NOVA1: variants seen among roughly 807,000 people sequenced by gnomAD.
NOVA1 encodes the protein NOVA alternative splicing regulator 1, also known as RNA-binding protein Nova-1.
A neutral mutation model predicts 38.0 loss-of-function variants in NOVA1; 7 were observed. The observed-to-expected ratio is 0.18, with a 90% confidence interval of 0.10 to 0.35. The LOEUF (loss-of-function observed/expected upper bound fraction) is 0.35, where lower values mean the gene tolerates loss of function less well. Ranked by LOEUF, NOVA1 falls within the 10% of genes least tolerant of loss-of-function variation. The pLI, the probability that NOVA1 is intolerant of heterozygous loss-of-function variation, is 1.00. For synonymous variants in NOVA1, 270 were observed against 232.5 expected (o/e 1.16, Z -1.47); for missense variants, 460 against 616.0 (o/e 0.75, Z 2.68).
intron 2 of NOVA1, among the ~76,000 whole-genome samples, chr14:26,494,196 A>G (rs2138369199): frequency 6.6e-6 from 1 of 152,280 alleles, no homozygotes; most frequent in South Asian, 2.1e-4. Context: ...CATATGCCTC[A>G]TATCCAAAAC....
intron 2 of NOVA1, among the ~76,000 whole-genome samples, chr14:26,535,835 C>T (rs537103418): frequency 6.6e-6 from 1 of 151,806 alleles, no homozygotes; most frequent in Non-Finnish European, 1.5e-5. Flanking sequence ...AAAAATTAGC[C>T]GGGCGTGGTG....
intron 2 of NOVA1, among the ~76,000 whole-genome samples, chr14:26,567,454 C>T (rs550513159): frequency 6.6e-6 from 1 of 151,902 alleles, no homozygotes; most frequent in African/African-American, 2.4e-5. Context: ...CGTGACCTCA[C>T]CAAATAATTC....
chr14:26,545,764 A>T (rs1350806936), intron 2 of NOVA1, among the ~76,000 whole-genome samples: 1 of 152,126 alleles, frequency 6.6e-6, no homozygotes, highest in Non-Finnish European at 1.5e-5. Flanking sequence ...ATAGCTACAA[A>T]GTGGCAGTAA....
intron 4 of NOVA1, among the ~76,000 whole-genome samples, chr14:26,459,688 ATAAAGT>A (rs1883493504): frequency 6.6e-6 from 1 of 152,268 alleles, no homozygotes; most frequent in East Asian, 1.9e-4. Flanking sequence ...ATGTAAGAAA[ATAAAGT>A]TAATCTAGGA....
intron 2 of NOVA1, among the ~76,000 whole-genome samples, chr14:26,527,845 T>C (rs1889414618): frequency 6.6e-6 from 1 of 152,190 alleles, no homozygotes; most frequent in Non-Finnish European, 1.5e-5. Flanking sequence ...TACCCAGCAG[T>C]GAGCAGATAT....
chr14:26,479,245 T>C (rs1885233719), intron 3 of NOVA1: 1 of 152,060 alleles, frequency 6.6e-6, no homozygotes, highest in Non-Finnish European at 1.5e-5. Flanking sequence ...AATAAATTTA[T>C]AGACGTAAAA....
Position 26,597,593 on chromosome 14 carries a change from A to C in NOVA1, c.-157T>G, listed in dbSNP as rs373698838. The C allele has an allele frequency of 2.3e-4, 276 of 1,219,594 alleles. No homozygotes were observed. Among genetic ancestry groups the C allele is most frequent in the Middle Eastern group, 2.2e-3 (7 of 3,156 alleles). 75.5% of individuals were successfully genotyped at this position (1,219,594 alleles called of 1,614,324 possible). A position where few individuals can be genotyped will look rare whatever the true frequency, so the allele number is the denominator to read the frequency against. On this transcript the variant is annotated 5_prime_UTR_variant, in exon 1 of 5. Coordinates refer to ENST00000539517, the MANE Select transcript of NOVA1 (RefSeq NM_002515.3). Reference sequence around the variant, plus strand: ...ATCAATATAAATCTCTTTAGGAAAAAAAGCAATGTTGCTGGTTTGTTCTCA... The same window carrying C: ...ATCAATATAAATCTCTTTAGGAAAACAAGCAATGTTGCTGGTTTGTTCTCA...
At chr14:26,481,187 G>C (rs1176671627) in intron 2 of NOVA1, among the ~76,000 whole-genome samples, 2 of 151,922 alleles carry the variant, frequency 1.3e-5, no homozygotes, top group Non-Finnish European at 2.9e-5. Flanking sequence ...CTAAACAGTT[G>C]TTAAAATTTT....
chr14:26,554,151 G>A (rs1468132541), intron 2 of NOVA1, among the ~76,000 whole-genome samples: 1 of 130,526 alleles, frequency 7.7e-6, no homozygotes, highest in Non-Finnish European at 1.6e-5. Context: ...AGAAAGAAAA[G>A]GAAGAAAAAG....
At chr14:26,539,854 A>G (rs141751149) in intron 2 of NOVA1, among the ~76,000 whole-genome samples, 10 of 144,470 alleles carry the variant, frequency 6.9e-5, no homozygotes, top group African/African-American at 2.4e-4. Context: ...AAAGACTATA[A>G]TAATAAGAGG....
intron 2 of NOVA1, among the ~76,000 whole-genome samples, chr14:26,542,040 A>T (rs937815904): frequency 2.0e-5 from 3 of 151,916 alleles, no homozygotes; most frequent in Non-Finnish European, 2.9e-5. Flanking sequence ...CTAACAGATA[A>T]AATTATCAAA....
In NOVA1 at chr14:26,545,121, T is replaced by G. The variant is rs1890710913; in HGVS notation, c.280+50289A>C. ...CTGAGTTACAGAAACTCTTAAGTAG[T>G]GGAGGAAAATGGCAAATAAGACAGG... On this transcript the variant is annotated intron_variant, in intron 2 of 4. Coordinates refer to ENST00000539517, the MANE Select transcript of NOVA1 (RefSeq NM_002515.3). Among the ~76,000 whole-genome samples, 3 of 151,992 alleles carry G rather than the reference T, an allele frequency of 2.0e-5. No individual in the cohort carries two copies. The South Asian group carries it at 6.2e-4, about 31-fold the overall frequency.
intron 4 of NOVA1, among the ~76,000 whole-genome samples, chr14:26,449,260 G>T (rs1036076323): frequency 5.3e-5 from 8 of 152,112 alleles, no homozygotes; most frequent in African/African-American, 1.9e-4. Context: ...AACAAGAGGG[G>T]ATCATAACTA....
chr14:26,505,557 G>A (rs1887584661), intron 2 of NOVA1, among the ~76,000 whole-genome samples: 1 of 152,108 alleles, frequency 6.6e-6, no homozygotes, highest in African/African-American at 2.4e-5. Context: ...TCAGGTAGTT[G>A]TTTATAGCAG....
chr14:26,559,784 T>C (rs1891709527), intron 2 of NOVA1, among the ~76,000 whole-genome samples: 1 of 152,090 alleles, frequency 6.6e-6, no homozygotes, highest in African/African-American at 2.4e-5. Flanking sequence ...GGTACAAATA[T>C]ACAGTTTGAT....
intron 2 of NOVA1, among the ~76,000 whole-genome samples, chr14:26,575,858 T>C (rs1180478833): frequency 6.6e-6 from 1 of 151,986 alleles, no homozygotes; most frequent in Non-Finnish European, 1.5e-5. Context: ...TTTTTAATAA[T>C]TGAGTACAGA....
At chr14:26,519,678 T>C (rs1376155450) in intron 2 of NOVA1, 1 of 152,172 alleles carries the variant, frequency 6.6e-6, no homozygotes, top group African/African-American at 2.4e-5. Context: ...TGAATTGTTT[T>C]TTTGGTAATT....
intron 2 of NOVA1, among the ~76,000 whole-genome samples, chr14:26,508,361 T>A (rs1015156181): frequency 6.6e-6 from 1 of 152,062 alleles, no homozygotes; most frequent in Admixed American, 6.5e-5. Flanking sequence ...GTTCTTGCTT[T>A]CAGTAGCTTC....
chr14:26,555,976 A>C (rs1017172044), intron 2 of NOVA1, among the ~76,000 whole-genome samples: 3 of 152,152 alleles, frequency 2.0e-5, no homozygotes, highest in African/African-American at 7.2e-5. Flanking sequence ...ATGTGAGAAG[A>C]ACCACAATAT....
Sources: allele counts gnomAD v4.1 joint callset (sites outside exome capture counted in the v4.1 genomes callset), GRCh38; gene constraint gnomAD v4.1.1; transcripts MANE v1.5; gene names NCBI Gene and HGNC (gene_info 2026-07-23, HGNC 2026-07-21).